Variants in BTBD8 observed in about 807,000 individuals in gnomAD.
BTBD8 encodes BTB/POZ domain-containing protein 8.
BTBD8 carries 110 observed loss-of-function variants against 162.9 expected under a neutral mutation model. The ratio of observed to expected loss-of-function variants is 0.68; its 90% CI spans 0.58 to 0.79. BTBD8 has a LOEUF of 0.79. Ranked by LOEUF, BTBD8 falls within the 30% of genes least tolerant of loss-of-function variation. The pLI is 0.00. For missense variants in BTBD8, 1,905 were observed against 2,085.4 expected (o/e 0.91, Z 1.68); for synonymous variants, 667 against 716.1 (o/e 0.93, Z 1.10).
chr1:92,108,092 C>T, intron 4 of BTBD8, 91 bp downstream of exon 4: 1 of 1,220,902 alleles, frequency 8.2e-7, no homozygotes, highest in Non-Finnish European at 1.2e-6. Flanking sequence ...TTTTCAAACT[C>T]TGGTTTTCAC....
intron 13 of BTBD8, among the ~76,000 whole-genome samples, chr1:92,174,047 G>T (rs1650632770): frequency 6.6e-6 from 1 of 152,098 alleles, no homozygotes; most frequent in Non-Finnish European, 1.5e-5. Context: ...TAAAATATAT[G>T]ATATCTGGGA....
At chr1:92,082,672 A>T (rs1648050834) in intron 1 of BTBD8, among the ~76,000 whole-genome samples, 2 of 152,192 alleles carry the variant, frequency 1.3e-5, no homozygotes, top group Admixed American at 1.3e-4. Flanking sequence ...TAAGGAACAG[A>T]GACACTCCTA....
In BTBD8 at chr1:92,176,856, G is replaced by C. The variant is rs746640517; in HGVS notation, c.1663G>C (p.Asp555His). The C allele has an allele frequency of 1.4e-6, 2 of 1,458,368 alleles. No homozygotes were observed. The highest frequency in any genetic ancestry group is 3.0e-5 in the South Asian group (2 of 67,380). 90.3% of individuals were successfully genotyped at this position (1,458,368 alleles called of 1,614,324 possible). A position where few individuals can be genotyped will look rare whatever the true frequency, so the allele number is the denominator to read the frequency against. ...QQRKQVSDSG[D>H]IKIKSWRGNN... ...AAGGAAACAAGTTTCTGACTCTGGT[G>C]ATATAAAAATCAAATCTTGGAGGGG... is the stretch of plus-strand genomic sequence containing the variant. The change falls in exon 14 of 18, where the codon GAT becomes CAT. Residue 555 changes from aspartate to histidine, a missense_variant. Asp to His is a moderately conservative substitution (Grantham distance 81, BLOSUM62 -1). This residue lies in a region of BTBD8 where 1,374 missense variants were observed against 1,442.7 expected (regional missense o/e 0.95). Coordinates refer to ENST00000636805, the MANE Select transcript of BTBD8 (RefSeq NM_001376131.1).
At chr1:92,174,481 T>A (rs574916423) in intron 13 of BTBD8, among the ~76,000 whole-genome samples, 4 of 152,284 alleles carry the variant, frequency 2.6e-5, no homozygotes, top group African/African-American at 9.6e-5. Flanking sequence ...CTATACCATA[T>A]ACTATATAGA....
At chr1:92,126,353 C>T in intron 4 of BTBD8, 1 of 616,116 alleles carries the variant, frequency 1.6e-6, no homozygotes, top group Non-Finnish European at 3.1e-6. Flanking sequence ...TTGTACATGG[C>T]CCCTTGAAGT....
rs1651029506 is a variant in BTBD8 at position 92,184,595 on chromosome 1, G to A, written c.*265G>A. 1 of 284,418 alleles carries A rather than the reference G, an allele frequency of 3.5e-6. No individual in the cohort carries two copies. The highest frequency in any genetic ancestry group is 4.7e-5 in the Admixed American group (1 of 21,342). The allele number at this position is 284,418 out of a possible 1,614,324, so 17.6% of individuals were successfully genotyped here. On this transcript the variant is annotated 3_prime_UTR_variant, in exon 18 of 18. Coordinates refer to ENST00000636805, the MANE Select transcript of BTBD8 (RefSeq NM_001376131.1). ...CTTCAGTTTTCCTTTCCTAGCTGAT[G>A]ATTTGTTCACTTAATCATTATTCAA... is the stretch of plus-strand genomic sequence containing the variant.
In BTBD8 at chr1:92,122,116, C is replaced by T. The variant is rs112184714; in HGVS notation, c.663-7571C>T. 6.0e-3 allele frequency among the ~76,000 whole-genome samples: 920 copies of T among 152,188 alleles called. 11 individuals carry two copies. The highest frequency in any genetic ancestry group is 0.021 in the African/African-American group (876 of 41,516). ...TTTTGTTCAGTGTAATGTTTTTGAG[C>T]TTCATCCTTGCATGTTATGTGTATC... On this transcript the variant is annotated intron_variant, in intron 4 of 17. Coordinates refer to ENST00000636805, the MANE Select transcript of BTBD8 (RefSeq NM_001376131.1).
intron 13 of BTBD8, among the ~76,000 whole-genome samples, chr1:92,174,478 A>G (rs1650645569): frequency 6.6e-6 from 1 of 152,192 alleles, no homozygotes; most frequent in African/African-American, 2.4e-5. Flanking sequence ...CAGCTATACC[A>G]TATACTATAT....
At chr1:92,095,344 AT>A (rs1436947181) in intron 2 of BTBD8, among the ~76,000 whole-genome samples, 1 of 152,146 alleles carries the variant, frequency 6.6e-6, no homozygotes, top group African/African-American at 2.4e-5. Context: ...GAAAACCCCA[AT>A]AAAGGCTTTT....
At chr1:92,118,753 C>T (rs1649109513) in intron 4 of BTBD8, among the ~76,000 whole-genome samples, 1 of 149,454 alleles carries the variant, frequency 6.7e-6, no homozygotes, top group Non-Finnish European at 1.5e-5. Flanking sequence ...AGTGTAGACT[C>T]ATAGATACTT....
Position 92,163,804 on chromosome 1 carries a change from C to T in BTBD8, c.1123-3154C>T, listed in dbSNP as rs547967515. Among the ~76,000 whole-genome samples, 194 of 152,252 alleles carry T rather than the reference C, an allele frequency of 1.3e-3. 1 individual carries two copies. The highest frequency in any genetic ancestry group is 4.5e-3 in the African/African-American group (187 of 41,544). On this transcript the variant is annotated intron_variant, in intron 9 of 17. Transcript: ENST00000636805. Reference sequence around the variant, plus strand: ...TAACATTTAATGTTTATCATATATTCAGATGAGTATGGAATAAGATCATGT... The same window carrying T: ...TAACATTTAATGTTTATCATATATTTAGATGAGTATGGAATAAGATCATGT...
chr1:92,152,262 T>A lies in BTBD8; in HGVS notation c.1122+4476T>A, dbSNP rs145770858. Among the ~76,000 whole-genome samples, 326 of 152,250 alleles carry A rather than the reference T, an allele frequency of 2.1e-3. 3 individuals are homozygous for A. The highest frequency in any genetic ancestry group is 1.4e-3 in the Non-Finnish European group (95 of 68,012). The stretch of plus-strand genomic sequence containing the variant: ...TTAAACAGCTAAGTAAAATACAGGT[T>A]AGACTATGATGAGTACAAGCATTAA... On this transcript the variant is annotated intron_variant, in intron 9 of 17. Transcript: ENST00000636805.
At chr1:92,117,883 C>G (rs989562745) in intron 4 of BTBD8, among the ~76,000 whole-genome samples, 2 of 151,960 alleles carry the variant, frequency 1.3e-5, no homozygotes, top group Admixed American at 6.5e-5. Flanking sequence ...GATCAGAGTC[C>G]TGTACTGCCT....
intron 9 of BTBD8, among the ~76,000 whole-genome samples, chr1:92,165,322 G>A (rs537676377): frequency 6.6e-6 from 1 of 152,048 alleles, no homozygotes; most frequent in Non-Finnish European, 1.5e-5. Context: ...AACAGAGGTA[G>A]TTTTACACTC....
intron 9 of BTBD8, among the ~76,000 whole-genome samples, chr1:92,162,427 A>G (rs1650291461): frequency 1.3e-5 from 2 of 152,222 alleles, no homozygotes; most frequent in African/African-American, 2.4e-5. Context: ...TGGATAATTC[A>G]AAGTATGTCC....
chr1:92,117,089 A>G (rs1352948050), intron 4 of BTBD8, among the ~76,000 whole-genome samples: 3 of 151,776 alleles, frequency 2.0e-5, no homozygotes, highest in Admixed American at 6.6e-5. Context: ...GCAGAAGGGA[A>G]TCCTTCTGCC....
chr1:92,104,980 G>A (rs1170825577), intron 3 of BTBD8, among the ~76,000 whole-genome samples: 1 of 150,358 alleles, frequency 6.7e-6, no homozygotes, highest in African/African-American at 2.5e-5. Flanking sequence ...AACCCAGGCT[G>A]GAGTGCCGTG....
chr1:92,171,323 G>A, intron 12 of BTBD8, 76 bp from the exon 13 acceptor site: 1 of 1,068,922 alleles, frequency 9.4e-7, no homozygotes, highest in South Asian at 1.6e-5. Flanking sequence ...TTTTTCTACT[G>A]ACATACTATT....
chr1:92,082,894 AC>A (rs1648057900), intron 1 of BTBD8, among the ~76,000 whole-genome samples: 1 of 152,148 alleles, frequency 6.6e-6, no homozygotes, highest in African/African-American at 2.4e-5. Context: ...TTTGCTATAC[AC>A]TGGGCTTACA....
Sources: gnomAD v4.1 joint callset for allele counts (sites outside exome capture counted in the v4.1 genomes callset) on GRCh38, gnomAD v4.1.1 for gene constraint, gnomAD v4.1.1 regional missense constraint, MANE v1.5 for transcripts, NCBI Gene and HGNC (gene_info 2026-07-23, HGNC 2026-07-21) for gene names.